The following MED17 variants were observed in gnomAD, a reference collection of about 807,000 sequenced individuals.
MED17 encodes mediator of RNA polymerase II transcription subunit 17.
A neutral mutation model predicts 80.8 loss-of-function variants in MED17; 49 were observed. The ratio of observed to expected loss-of-function variants is 0.61; its 90% CI spans 0.48 to 0.77. The LOEUF (loss-of-function observed/expected upper bound fraction) is 0.77. Ranked by LOEUF, MED17 falls within the 30% of genes least tolerant of loss-of-function variation. The pLI is 0.00. For synonymous variants in MED17, 281 were observed against 280.4 expected (o/e 1.00, Z -0.02); for missense variants, 718 against 787.0 (o/e 0.91, Z 1.05).
intron 1 of MED17, 76 bp downstream of exon 1, chr11:93,784,839 T>A: frequency 6.6e-7 from 1 of 1,517,970 alleles, no homozygotes; most frequent in Non-Finnish European, 8.8e-7. Flanking sequence ...TCTCCCGCGA[T>A]GGGGGTGATC....
intron 1 of MED17, among the ~76,000 whole-genome samples, chr11:93,787,677 A>C (rs546514131): frequency 6.6e-6 from 1 of 152,320 alleles, no homozygotes; most frequent in African/African-American, 2.4e-5. Context: ...AATTTTGTAC[A>C]ATTGTAAATT....
chr11:93,809,608 C>T lies in MED17; in HGVS notation c.1585-109C>T. 4 of 1,099,544 alleles carry T rather than the reference C, an allele frequency of 3.6e-6. No homozygotes were observed. In the South Asian group the frequency reaches 3.7e-5, roughly 10 times the overall value. The allele number at this position is 1,099,544 out of a possible 1,614,324, so 68.1% of individuals were successfully genotyped here. On this transcript the variant is annotated intron_variant, in intron 10 of 11. Coordinates refer to ENST00000251871, the MANE Select transcript of MED17 (RefSeq NM_004268.5). Reference sequence around the variant, plus strand: ...ATTCCTCAGACCTAAGATAGGGTTGCTGTAGTAGTCAGTGAGCACCCCAAC... The same window carrying T: ...ATTCCTCAGACCTAAGATAGGGTTGTTGTAGTAGTCAGTGAGCACCCCAAC...
intron 7 of MED17, chr11:93,796,940 A>G (rs1418835950): frequency 4.1e-6 from 1 of 241,802 alleles, no homozygotes; most frequent in Non-Finnish European, 8.2e-6. Flanking sequence ...AGGCCAGGGT[A>G]ATTTCAAAAG....
rs147437052 is a variant in MED17, at chr11:93,805,372, C to T, written c.1467-2146C>T. Reference sequence around the variant, plus strand: ...GCATTTTGGGCGGAGCACTTGAGGCCAGGAGTTCAAGCCCAGCCTGGCCAA... The same window carrying T: ...GCATTTTGGGCGGAGCACTTGAGGCTAGGAGTTCAAGCCCAGCCTGGCCAA... On this transcript the variant is annotated intron_variant, in intron 9 of 11. Transcript: ENST00000251871. Among the ~76,000 whole-genome samples, 223 of 152,238 alleles carry T rather than the reference C, an allele frequency of 1.5e-3. 1 individual carries two copies. The highest frequency in any genetic ancestry group is 5.0e-3 in the African/African-American group (208 of 41,528).
intron 5 of MED17, 100 bp from the exon 6 acceptor site, chr11:93,794,808 T>C: frequency 7.9e-7 from 1 of 1,264,012 alleles, no homozygotes; most frequent in Non-Finnish European, 1.1e-6. Flanking sequence ...CGTAATGTAG[T>C]GTTTTCCTAA....
Position 93,788,168 on chromosome 11 carries a change from G to T in MED17, c.417+1G>T, listed in dbSNP as rs1220794170. On this transcript the variant is annotated splice_donor_variant, in intron 2 of 11. Coordinates refer to ENST00000251871, the MANE Select transcript of MED17 (RefSeq NM_004268.5). LOFTEE classifies it high-confidence loss of function. The stretch of plus-strand genomic sequence containing the variant: ...TCAGGATGCACTTCCTCCAAAACAG[G>T]TATTTGTGGACTTTAATTGAATAAT... 1 of 1,610,962 alleles carries T rather than the reference G, an allele frequency of 6.2e-7. No individual in the cohort carries two copies. The highest frequency in any genetic ancestry group is 1.7e-5 in the Admixed American group (1 of 60,000).
At position 93,812,445 on chromosome 11, in the gene MED17, CT is replaced by C. The variant is rs553014429; in HGVS notation, c.*392del. 7,793 of 345,072 alleles carry C rather than the reference CT, an allele frequency of 0.023. 26 individuals carry two copies. The highest frequency in any genetic ancestry group is 0.027 in the Non-Finnish European group (5,135 of 193,614). 21.4% of individuals were successfully genotyped at this position (345,072 alleles called of 1,614,324 possible). ...TTTTTCCCCCCAAATACTTTCTAAA[CT>C]TTTTTTTTTTGAGATGGTATCTCAC... On this transcript the variant is annotated 3_prime_UTR_variant, in exon 12 of 12. Coordinates refer to ENST00000251871, the MANE Select transcript of MED17 (RefSeq NM_004268.5).
In MED17 at chr11:93,799,810, C is replaced by G. The variant is rs543157864; in HGVS notation, c.1329-2025C>G. Among the ~76,000 whole-genome samples, 9 of 152,216 alleles carry G rather than the reference C, an allele frequency of 5.9e-5. No homozygotes were observed. The South Asian group carries it at 1.9e-3, about 32-fold the overall frequency. On this transcript the variant is annotated intron_variant, in intron 8 of 11. Coordinates refer to ENST00000251871, the MANE Select transcript of MED17 (RefSeq NM_004268.5). ...ACAAAAAGACTGATGTGTATGATAA[C>G]ATGCACAGTGAGATCTCTTGACATG...
rs764799457 is a variant in MED17 at position 93,807,626 on chromosome 11, T to A, written c.1575T>A (p.Leu525=). ...SYQEQELQDF[L]LSQMSQHQVH... is the part of the protein sequence containing the mutation. ...AGGAGCAGGAGCTACAGGATTTTCT[T>A]CTGTCTCAGGTAACAGTTGCAGATT... The change falls in exon 10 of 12, where the codon CTT becomes CTA. Residue 525 remains leucine, a synonymous_variant. Coordinates refer to ENST00000251871, the MANE Select transcript of MED17 (RefSeq NM_004268.5). 3 of 1,595,134 alleles carry A rather than the reference T, an allele frequency of 1.9e-6. No individual in the cohort carries two copies. The highest frequency in any genetic ancestry group is 2.6e-6 in the Non-Finnish European group (3 of 1,162,924).
At chr11:93,800,245 T>C (rs1404794958) in intron 8 of MED17, among the ~76,000 whole-genome samples, 1 of 152,174 alleles carries the variant, frequency 6.6e-6, no homozygotes. Context: ...CCTAAGTCTA[T>C]TAATGTAAAA....
intron 1 of MED17, among the ~76,000 whole-genome samples, chr11:93,787,647 G>A (rs1423875372): frequency 1.3e-5 from 2 of 152,014 alleles, no homozygotes; most frequent in Admixed American, 6.6e-5. Flanking sequence ...TTTTCATTTT[G>A]TACTTTTCTG....
At chr11:93,795,156 T>G in intron 6 of MED17, 96 bp downstream of exon 6, 1 of 1,345,978 alleles carries the variant, frequency 7.4e-7, no homozygotes, top group Non-Finnish European at 1.1e-6. Context: ...GGGAGAATAA[T>G]GAGAGCAAAG....
At chr11:93,810,935 T>C (rs1484578365) in intron 11 of MED17, 1 of 152,270 alleles carries the variant, frequency 6.6e-6, no homozygotes, top group African/African-American at 2.4e-5. Flanking sequence ...TACACAGCCC[T>C]AGATGGTACA....
chr11:93,784,805 C>G, intron 1 of MED17, 42 bp downstream of exon 1: 1 of 1,532,180 alleles, frequency 6.5e-7, no homozygotes, highest in South Asian at 1.2e-5. Flanking sequence ...GGTCTGGGTC[C>G]CAGCACCCGC....
At position 93,790,742 on chromosome 11, in the gene MED17, C is replaced by G; in HGVS notation, c.586C>G (p.Leu196Val). The G allele has an allele frequency of 6.2e-7, 1 of 1,614,186 alleles. No individual in the cohort carries two copies. Among genetic ancestry groups the G allele is most frequent in the Non-Finnish European group, 8.5e-7 (1 of 1,180,034 alleles). The change falls in exon 3 of 12, where the codon CTT becomes GTT. Residue 196 changes from leucine to valine, a missense_variant. Coordinates refer to ENST00000251871, the MANE Select transcript of MED17 (RefSeq NM_004268.5). Reference sequence around the variant, plus strand: ...TTTGCGATTACGGCAACACTGGAAACTTCGAAAAGTTGGAGATAAAATTCT... The same window carrying G: ...TTTGCGATTACGGCAACACTGGAAAGTTCGAAAAGTTGGAGATAAAATTCT... ...ELLRLRQHWK[L>V]RKVGDKILGD...
rs545352271 is a variant in MED17 at position 93,792,609 on chromosome 11, A to G, written c.638-1119A>G. 2.4e-4 allele frequency among the ~76,000 whole-genome samples: 37 copies of G among 152,090 alleles called. 1 individual carries two copies. Among genetic ancestry groups the G allele is most frequent in the Non-Finnish European group, 4.3e-4 (29 of 68,020 alleles). ...GTAATTCAATGGCCCAGAACAACTT[A>G]CCCAAACTCCTGACCTACACAAAAA... On this transcript the variant is annotated intron_variant, in intron 3 of 11. Transcript: ENST00000251871.
chr11:93,810,750 GA>G (rs1944078606), intron 11 of MED17: 1 of 152,230 alleles, frequency 6.6e-6, no homozygotes. Flanking sequence ...GCACTTGTAT[GA>G]GTATTACATA....
At chr11:93,802,627 A>G (rs1033690277) in intron 9 of MED17, among the ~76,000 whole-genome samples, 2 of 152,204 alleles carry the variant, frequency 1.3e-5, no homozygotes, top group African/African-American at 4.8e-5. Flanking sequence ...TGGTTATGGC[A>G]GGTCTAGTAT....
At chr11:93,805,716 A>C (rs959828105) in intron 9 of MED17, among the ~76,000 whole-genome samples, 5 of 152,228 alleles carry the variant, frequency 3.3e-5, no homozygotes, top group Admixed American at 2.6e-4. Flanking sequence ...TAAGAAAAGA[A>C]TTCTAAAATG....
Sources: allele counts gnomAD v4.1 joint callset (sites outside exome capture counted in the v4.1 genomes callset), GRCh38; gene constraint gnomAD v4.1.1; transcripts MANE v1.5; gene names NCBI Gene and HGNC (gene_info 2026-07-23, HGNC 2026-07-21).